Variants in CDK14 observed in about 807,000 individuals in gnomAD.
CDK14 encodes the protein cyclin dependent kinase 14.
CDK14 carries 34 observed loss-of-function variants against 60.7 expected under a neutral mutation model. The ratio of observed to expected loss-of-function variants is 0.56; its 90% CI spans 0.43 to 0.75. The LOEUF is 0.75. Ranked by LOEUF, CDK14 falls within the 30% of genes least tolerant of loss-of-function variation. The pLI is 0.00. For missense variants in CDK14, 482 were observed against 564.1 expected, an observed-to-expected ratio of 0.85 and a Z score of 1.47; for synonymous variants, 197 against 203.7, an observed-to-expected ratio of 0.97 and a Z score of 0.28.
At chr7:90,660,909 A>G (rs1160853836) in intron 2 of CDK14, among the ~76,000 whole-genome samples, 1 of 152,208 alleles carries the variant, frequency 6.6e-6, no homozygotes, top group Non-Finnish European at 1.5e-5. Context: ...TGGACCCATC[A>G]GGAGGGAATG....
chr7:90,849,203 C>A (rs1174308747), intron 5 of CDK14, among the ~76,000 whole-genome samples: 1 of 150,318 alleles, frequency 6.7e-6, no homozygotes, highest in African/African-American at 2.5e-5. Context: ...AAAAAGGAGC[C>A]TGATACCTCC....
chr7:90,934,893 A>G (rs555533894), intron 8 of CDK14, among the ~76,000 whole-genome samples: 2 of 152,334 alleles, frequency 1.3e-5, no homozygotes, highest in East Asian at 3.9e-4. Flanking sequence ...AATTATTCGG[A>G]CTGCCAGCCT....
intron 6 of CDK14, among the ~76,000 whole-genome samples, chr7:90,885,910 G>T (rs1429201769): frequency 1.3e-5 from 2 of 152,148 alleles, no homozygotes; most frequent in African/African-American, 4.8e-5. Context: ...GGCCTGTTGG[G>T]GTGGAGGGTG....
intron 6 of CDK14, among the ~76,000 whole-genome samples, chr7:90,891,450 A>G (rs554182171): frequency 1.1e-4 from 16 of 152,358 alleles, no homozygotes; most frequent in Admixed American, 1.0e-3. Context: ...ATGCCTACCT[A>G]TTTAACATTA....
intron 10 of CDK14, among the ~76,000 whole-genome samples, chr7:91,001,395 G>A (rs757007109): frequency 5.3e-5 from 8 of 152,098 alleles, no homozygotes; most frequent in Admixed American, 1.3e-4. Context: ...GCAGCCTGTC[G>A]CTTCAGATGG....
intron 2 of CDK14, among the ~76,000 whole-genome samples, chr7:90,694,584 G>T (rs573936692): frequency 2.0e-5 from 3 of 152,238 alleles, no homozygotes; most frequent in South Asian, 2.1e-4. Flanking sequence ...TCAGATACCA[G>T]ATTTTTACTA....
At chr7:91,179,503 A>AT (rs1482151452) in intron 14 of CDK14, among the ~76,000 whole-genome samples, 1 of 52,942 alleles carries the variant, frequency 1.9e-5, no homozygotes, top group African/African-American at 5.7e-5. Flanking sequence ...TTAAAGTATA[A>AT]TTAAAAAAAA....
Position 90,964,702 on chromosome 7 carries a change from T to C in CDK14, c.947+8885T>C, listed in dbSNP as rs575960784. 3.3e-5 allele frequency among the ~76,000 whole-genome samples: 5 copies of C among 152,342 alleles called. No homozygotes were observed. The East Asian group carries it at 7.7e-4, about 24-fold the overall frequency. On this transcript the variant is annotated intron_variant, in intron 9 of 14. Transcript: ENST00000380050. ...AATTGCTTATATTGCTATTCATTGA[T>C]TTACTATTTTCGACACTATCTACTA...
At chr7:90,982,835 T>A (rs1795267475) in intron 9 of CDK14, among the ~76,000 whole-genome samples, 1 of 152,014 alleles carries the variant, frequency 6.6e-6, no homozygotes, top group Non-Finnish European at 1.5e-5. Flanking sequence ...AGATAGCTCA[T>A]GGTGCTCATT....
At chr7:90,876,847 A>G (rs1046303786) in intron 6 of CDK14, among the ~76,000 whole-genome samples, 7 of 152,246 alleles carry the variant, frequency 4.6e-5, no homozygotes, top group Admixed American at 1.3e-4. Flanking sequence ...TGTGAAGTAT[A>G]TAAGTTTTTC....
At chr7:91,011,220 A>G (rs962446089) in intron 10 of CDK14, among the ~76,000 whole-genome samples, 1 of 152,046 alleles carries the variant, frequency 6.6e-6, no homozygotes, top group Non-Finnish European at 1.5e-5. Context: ...TGTATCCTGG[A>G]ATAGGTATTG....
At chr7:90,783,127 ATAT>A (rs1379798970) in intron 4 of CDK14, among the ~76,000 whole-genome samples, 2 of 152,190 alleles carry the variant, frequency 1.3e-5, no homozygotes, top group African/African-American at 4.8e-5. Context: ...ATGTTTCTAA[ATAT>A]TATGAGTTTG....
intron 3 of CDK14, among the ~76,000 whole-genome samples, chr7:90,739,728 A>C (rs1447837385): frequency 6.6e-6 from 1 of 152,214 alleles, no homozygotes; most frequent in Non-Finnish European, 1.5e-5. Context: ...TCATTCTTAA[A>C]GGAGCACAAA....
chr7:91,164,616 G>A (rs1284517774), intron 14 of CDK14, among the ~76,000 whole-genome samples: 1 of 152,140 alleles, frequency 6.6e-6, no homozygotes, highest in Non-Finnish European at 1.5e-5. Context: ...TGTTGCAGAT[G>A]AATAAAACAC....
chr7:90,760,805 A>G (rs985827176), intron 4 of CDK14, among the ~76,000 whole-genome samples: 1 of 152,250 alleles, frequency 6.6e-6, no homozygotes, highest in African/African-American at 2.4e-5. Flanking sequence ...AATGCAGTTC[A>G]CAATATGGGA....
At chr7:90,634,623 T>C (rs1800090992) in intron 2 of CDK14, among the ~76,000 whole-genome samples, 1 of 152,110 alleles carries the variant, frequency 6.6e-6, no homozygotes, top group East Asian at 1.9e-4. Context: ...AGCAGCACGA[T>C]TTATAGTCCT....
chr7:90,971,124 C>T (rs1383346235), intron 9 of CDK14, among the ~76,000 whole-genome samples: 1 of 149,606 alleles, frequency 6.7e-6, no homozygotes, highest in South Asian at 2.1e-4. Flanking sequence ...TCTCATTGTT[C>T]AGTTCCCACC....
At chr7:90,642,442 A>G (rs373528944) in intron 2 of CDK14, among the ~76,000 whole-genome samples, 117 of 152,194 alleles carry the variant, frequency 7.7e-4, no homozygotes, top group African/African-American at 2.7e-3. Context: ...ATGAATTTCT[A>G]TACCTGCTAA....
chr7:90,907,497 G>A (rs937476959), intron 7 of CDK14, among the ~76,000 whole-genome samples: 8 of 151,986 alleles, frequency 5.3e-5, no homozygotes, highest in African/African-American at 1.9e-4. Flanking sequence ...CAGAAATGTA[G>A]ATGTTTGAAT....
Sources: gnomAD v4.1 joint callset for allele counts (sites outside exome capture counted in the v4.1 genomes callset) on GRCh38, gnomAD v4.1.1 for gene constraint, MANE v1.5 for transcripts, NCBI Gene and HGNC (gene_info 2026-07-23, HGNC 2026-07-21) for gene names.